Variants in TJP1 observed in about 807,000 individuals in gnomAD.
The protein encoded by TJP1 is tight junction protein 1.
In TJP1, 43 loss-of-function variants were observed where a neutral mutation model predicts 194.2. The ratio of observed to expected loss-of-function variants is 0.22; its 90% CI spans 0.17 to 0.29. The LOEUF (loss-of-function observed/expected upper bound fraction) is 0.29, where lower values mean the gene tolerates loss of function less well. Ranked by LOEUF, TJP1 falls within the 10% of genes least tolerant of loss-of-function variation. The pLI, the probability that TJP1 is intolerant of heterozygous loss-of-function variation, is 1.00. For synonymous variants in TJP1, 801 were observed against 779.0 expected (o/e 1.03, Z -0.47); for missense variants, 1,971 against 2,185.7 (o/e 0.90, Z 1.96).
Position 29,732,524 on chromosome 15 carries a change from T to C in TJP1, c.1926A>G (p.Gly642=), listed in dbSNP as rs1386528719. 1 of 1,614,116 alleles carries C rather than the reference T, an allele frequency of 6.2e-7. No homozygotes were observed. Among genetic ancestry groups the C allele is most frequent in the Non-Finnish European group, 8.5e-7 (1 of 1,180,008 alleles). Reference sequence around the variant, plus strand: ...CAAAAATGGTTACAGGCCTCAGAAATCCAGCTGGAGAGAAATTCACATGAA... The same window carrying C: ...CAAAAATGGTTACAGGCCTCAGAAACCCAGCTGGAGAGAAATTCACATGAA... ...AYERVVLREA[G]FLRPVTIFGP... is the part of the protein sequence containing the mutation. Residue 642 remains glycine (G), a synonymous_variant, in exon 15 of 28, where the codon GGA becomes GGG. Transcript: ENST00000614355.
At chr15:29,931,118 TTACAA>T (rs1284171332) in intron 2 of TJP1, among the ~76,000 whole-genome samples, 2 of 152,152 alleles carry the variant, frequency 1.3e-5, no homozygotes, top group African/African-American at 2.4e-5. Flanking sequence ...TACCGTATTC[TTACAA>T]TAAACTAGAG....
At chr15:29,778,059 T>C (rs1270211734) in intron 2 of TJP1, among the ~76,000 whole-genome samples, 3 of 152,082 alleles carry the variant, frequency 2.0e-5, no homozygotes, top group Non-Finnish European at 2.9e-5. Flanking sequence ...CCAAAAACAT[T>C]AGGAACTTTC....
intron 2 of TJP1, among the ~76,000 whole-genome samples, chr15:29,835,027 C>A (rs1475173293): frequency 6.6e-6 from 1 of 152,166 alleles, no homozygotes; most frequent in Non-Finnish European, 1.5e-5. Flanking sequence ...GTTTCCTCAT[C>A]TGCAGAATGG....
At chr15:29,819,716 A>G (rs1299076058) in intron 1 of TJP1, among the ~76,000 whole-genome samples, 1 of 152,234 alleles carries the variant, frequency 6.6e-6, no homozygotes, top group East Asian at 1.9e-4. Context: ...AGTAAATTCT[A>G]CAACAGTGAC....
At chr15:29,752,796 A>C (rs939324040) in intron 8 of TJP1, among the ~76,000 whole-genome samples, 1 of 152,214 alleles carries the variant, frequency 6.6e-6, no homozygotes, top group African/African-American at 2.4e-5. Flanking sequence ...TTCATGTTCT[A>C]ACCAAATTTT....
intron 2 of TJP1, among the ~76,000 whole-genome samples, chr15:29,835,929 G>A (rs1337397899): frequency 6.6e-6 from 1 of 152,080 alleles, no homozygotes; most frequent in Admixed American, 6.6e-5. Flanking sequence ...GAGAGAGAGA[G>A]AGGAGATAGA....
intron 2 of TJP1, among the ~76,000 whole-genome samples, chr15:29,845,158 CTTAAGT>C (rs1596090865): frequency 6.6e-6 from 1 of 152,134 alleles, no homozygotes; most frequent in Non-Finnish European, 1.5e-5. Context: ...TTAATAAGGT[CTTAAGT>C]TTAAGATGAG....
intron 23 of TJP1, among the ~76,000 whole-genome samples, chr15:29,715,406 A>G (rs1008384569): frequency 6.6e-6 from 1 of 152,246 alleles, no homozygotes; most frequent in African/African-American, 2.4e-5. Context: ...GGACAGTGAA[A>G]AAAGTCTTCA....
chr15:29,775,719 C>T (rs372886933), intron 2 of TJP1, among the ~76,000 whole-genome samples: 160 of 152,198 alleles, frequency 1.1e-3, no homozygotes, highest in African/African-American at 3.7e-3. Context: ...CAATTAGAGA[C>T]AAATGACTAT....
Position 29,873,565 on chromosome 15 carries a change from A to G in TJP1, c.307-72863T>C, listed in dbSNP as rs191733292. 9.3e-4 allele frequency among the ~76,000 whole-genome samples: 141 copies of G among 152,310 alleles called. 2 individuals carry two copies. Among genetic ancestry groups the G allele is most frequent in the Admixed American group, 8.4e-3 (129 of 15,302 alleles). ...AAATGTTAAGAAAATATGGAGAGCT[A>G]TTCTTTTATGATCAAGACAATTTTT... On this transcript the variant is annotated intron_variant, in intron 2 of 28. Coordinates refer to the TJP1 transcript ENST00000356107.
rs11856229 is a variant in TJP1, at chr15:29,847,937, T to C, written c.307-47235A>G. ...ATTTCCAATTATGTGTATTTTTACA[T>C]TTTCTTTGAGAAAACTTTCTCTTTG... On this transcript the variant is annotated intron_variant, in intron 2 of 28. Coordinates refer to the TJP1 transcript ENST00000356107. Among the ~76,000 whole-genome samples, 1,448 of 152,344 alleles carry C rather than the reference T, an allele frequency of 9.5e-3. 31 individuals are homozygous for C. Among genetic ancestry groups the C allele is most frequent in the African/African-American group, 0.034 (1,396 of 41,580 alleles).
At chr15:29,912,747 TG>T (rs1268098436) in intron 2 of TJP1, among the ~76,000 whole-genome samples, 2 of 144,996 alleles carry the variant, frequency 1.4e-5, no homozygotes, top group Non-Finnish European at 3.0e-5. Flanking sequence ...AAAAATATTC[TG>T]GGAGGTGATG....
At position 29,953,140 on chromosome 15, in the gene TJP1, A is replaced by ATTTTTTTTTTTTTTTTTTTTTTTTTTT; in HGVS notation, c.306+3091_306+3092insAAAAAAAAAAAAAAAAAAAAAAAAAAA. Among the ~76,000 whole-genome samples the ATTTTTTTTTTTTTTTTTTTTTTTTTTT allele has an allele frequency of 1.8e-5, 2 of 110,976 alleles. 1 individual carries two copies. Among genetic ancestry groups the ATTTTTTTTTTTTTTTTTTTTTTTTTTT allele is most frequent in the Non-Finnish European group, 3.6e-5 (2 of 55,926 alleles). The allele number at this position is 110,976 out of a possible 152,430, so 72.8% of individuals were successfully genotyped here. Reference sequence around the variant, plus strand: ...TTCCTTCTTTCATAAAAGAAGACAGATTTTTTTTTTTTTTTTTTTGCAACG... The same window carrying ATTTTTTTTTTTTTTTTTTTTTTTTTTT: ...TTCCTTCTTTCATAAAAGAAGACAGATTTTTTTTTTTTTTTTTTTTTTTTTTTTTTTTTTTTTTTTTTTTTTGCAACG... On this transcript the variant is annotated intron_variant, in intron 2 of 28. Transcript: ENST00000356107.
intron 2 of TJP1, among the ~76,000 whole-genome samples, chr15:29,934,359 C>T (rs991450808): frequency 1.3e-5 from 2 of 152,188 alleles, no homozygotes; most frequent in East Asian, 1.9e-4. Context: ...AAACAATTCA[C>T]GGTGAAATAC....
At chr15:29,951,433 G>A (rs565831880) in intron 2 of TJP1, among the ~76,000 whole-genome samples, 2 of 152,132 alleles carry the variant, frequency 1.3e-5, no homozygotes, top group South Asian at 2.1e-4. Flanking sequence ...CTCCCAAAGT[G>A]CTGGGATTAC....
chr15:29,834,888 G>T (rs1332184376), intron 2 of TJP1, among the ~76,000 whole-genome samples: 2 of 152,190 alleles, frequency 1.3e-5, no homozygotes, highest in Non-Finnish European at 2.9e-5. Context: ...CTGAGGAAAA[G>T]CCAATAGATT....
upstream of TJP1, among the ~76,000 whole-genome samples, chr15:29,824,374 C>T (rs374230470): frequency 6.6e-6 from 1 of 151,788 alleles, no homozygotes; most frequent in Non-Finnish European, 1.5e-5. Context: ...ACCCGAGAGG[C>T]GGAGGTTGCA....
intron 2 of TJP1, among the ~76,000 whole-genome samples, chr15:29,872,034 G>A (rs1251924353): frequency 5.3e-5 from 8 of 152,294 alleles, no homozygotes; most frequent in Admixed American, 2.6e-4. Flanking sequence ...CAGAAGGAAG[G>A]CCAGGCATTT....
At chr15:29,805,334 C>T (rs2049040954) in intron 1 of TJP1, among the ~76,000 whole-genome samples, 1 of 152,128 alleles carries the variant, frequency 6.6e-6, no homozygotes, top group Non-Finnish European at 1.5e-5. Context: ...TCCTTCAGGA[C>T]TGATTACTGA....
Sources: gnomAD v4.1 joint callset for allele counts (sites outside exome capture counted in the v4.1 genomes callset) on GRCh38, gnomAD v4.1.1 for gene constraint, MANE v1.5 for transcripts, NCBI Gene and HGNC (gene_info 2026-07-23, HGNC 2026-07-21) for gene names.